DMC1: variants seen among roughly 807,000 people sequenced by gnomAD.
The protein encoded by DMC1 is DNA meiotic recombinase 1, also known as meiotic recombination protein DMC1 homolog.
Under a neutral mutation model 50.1 loss-of-function variants are expected in DMC1, and 27 were observed. The ratio of observed to expected loss-of-function variants is 0.54; its 90% CI spans 0.40 to 0.74. DMC1 has a LOEUF of 0.74. Among genes scored for constraint, DMC1 ranks in the 30% least tolerant of loss-of-function variants. The pLI, the probability that DMC1 is intolerant of heterozygous loss-of-function variation, is 0.00. For missense variants in DMC1, 295 were observed against 420.2 expected (o/e 0.70, Z 2.60); for synonymous variants, 148 against 136.1 (o/e 1.09, Z -0.61).
rs1013110929 is a variant in DMC1, at chr22:38,531,587, CT to C, written c.836+6004del. Among the ~76,000 whole-genome samples, 4 of 151,710 alleles carry C rather than the reference CT, an allele frequency of 2.6e-5. 1 individual carries two copies. The highest frequency in any genetic ancestry group is 4.2e-4 in the South Asian group (2 of 4,788). ...TAAAATCCTTTAGTTTAAAATTGTC[CT>C]TTTTTTTCCCATTTAGCTGTGGCAA... is the stretch of plus-strand genomic sequence containing the variant. On this transcript the variant is annotated intron_variant, in intron 12 of 13. Transcript: ENST00000216024.
At chr22:38,546,647 T>C (rs1195185413) in intron 8 of DMC1, among the ~76,000 whole-genome samples, 1 of 152,174 alleles carries the variant, frequency 6.6e-6, no homozygotes, top group Non-Finnish European at 1.5e-5. Context: ...TCTAAGTGAG[T>C]ATTTTAGATA....
downstream of DMC1, among the ~76,000 whole-genome samples, chr22:38,514,108 C>T (rs1054097565): frequency 1.3e-5 from 2 of 152,098 alleles, no homozygotes; most frequent in Admixed American, 1.3e-4. Context: ...TTTTCAGTTT[C>T]GTGAGCCACT....
intron 5 of DMC1, among the ~76,000 whole-genome samples, chr22:38,558,320 T>C (rs1173936272): frequency 6.6e-6 from 1 of 152,118 alleles, no homozygotes; most frequent in Non-Finnish European, 1.5e-5. Flanking sequence ...GAATTTAATC[T>C]TGTTATAAAA....
intron 12 of DMC1, 27 bp downstream of exon 12, chr22:38,537,565 A>C: frequency 6.2e-7 from 1 of 1,604,476 alleles, no homozygotes. Flanking sequence ...ACCTCTGTGA[A>C]ATAAAAAGTA....
intron 8 of DMC1, among the ~76,000 whole-genome samples, chr22:38,541,436 C>T (rs753674235): frequency 1.3e-5 from 2 of 152,064 alleles, no homozygotes; most frequent in African/African-American, 2.4e-5. Flanking sequence ...GGACTACAGG[C>T]GTGTGCCACC....
At chr22:38,559,854 C>G (rs2090507626) in intron 5 of DMC1, among the ~76,000 whole-genome samples, 2 of 151,744 alleles carry the variant, frequency 1.3e-5, no homozygotes, top group East Asian at 1.9e-4. Flanking sequence ...CCTGTCTCTA[C>G]TAAAAGTACA....
In DMC1 at chr22:38,521,651, G is replaced by T. The variant is rs375355161; in HGVS notation, c.910C>A (p.Arg304=). The change falls in exon 13 of 14, where the codon CGA becomes AGA. Residue 304 remains arginine (R), a synonymous_variant. Coordinates refer to ENST00000216024, the MANE Select transcript of DMC1 (RefSeq NM_007068.4). ...AHASTTRISL[R]KGRGELRIAK... Reference sequence around the variant, plus strand: ...ATTCTGAGCTCTCCTCTTCCCTTTCGCAAGCTTATTCTTGTTGTTGAAGCA... The same window carrying T: ...ATTCTGAGCTCTCCTCTTCCCTTTCTCAAGCTTATTCTTGTTGTTGAAGCA... The T allele has an allele frequency of 7.5e-6, 12 of 1,609,514 alleles. No homozygotes were observed. Among genetic ancestry groups the T allele is most frequent in the South Asian group, 1.1e-5 (1 of 91,004 alleles).
intron 6 of DMC1, 142 bp from the exon 7 acceptor site, chr22:38,552,849 T>C: frequency 1.5e-6 from 1 of 647,408 alleles, no homozygotes; most frequent in Non-Finnish European, 2.7e-6. Context: ...TCTCGGATGT[T>C]ATTTTTTATT....
the DMC1 span, among the ~76,000 whole-genome samples, chr22:38,511,157 G>A: frequency 7.9e-5 from 12 of 151,838 alleles, no homozygotes; most frequent in African/African-American, 2.9e-4. Context: ...CAGAAAATCT[G>A]AAACACCTTG....
chr22:38,549,996 C>T lies in DMC1; in HGVS notation c.423G>A (p.Val141=). 4 of 1,611,344 alleles carry T rather than the reference C, an allele frequency of 2.5e-6. No individual in the cohort carries two copies. The highest frequency in any genetic ancestry group is 2.5e-6 in the Non-Finnish European group (3 of 1,177,886). ...CACCAGCTCCTGGAAGTTGAGCTGTCACTAGGAAGCAATTAAAAATTTATA... is the reference window on the plus strand; with the variant it reads ...CACCAGCTCCTGGAAGTTGAGCTGTTACTAGGAAGCAATTAAAAATTTATA... ...GKTQLSHTLC[V]TAQLPGAGGY... Residue 141 remains valine, a splice_region_variant and synonymous_variant, in exon 8 of 14, where the codon GTG becomes GTA. Coordinates refer to ENST00000216024, the MANE Select transcript of DMC1 (RefSeq NM_007068.4).
At chr22:38,541,654 T>C (rs956332314) in intron 8 of DMC1, among the ~76,000 whole-genome samples, 2 of 152,184 alleles carry the variant, frequency 1.3e-5, no homozygotes, top group African/African-American at 2.4e-5. Flanking sequence ...TGGTCTGGTG[T>C]TATTTTCCAG....
chr22:38,522,518 G>T (rs11089888), intron 12 of DMC1, among the ~76,000 whole-genome samples: 15,802 of 151,980 alleles, frequency 0.1, 1,051 homozygotes, highest in South Asian at 0.16. Flanking sequence ...GCTGAGATCA[G>T]CCACTGCATT....
At chr22:38,540,177 CT>C (rs1442435901) in intron 8 of DMC1, among the ~76,000 whole-genome samples, 1 of 152,078 alleles carries the variant, frequency 6.6e-6, no homozygotes, top group African/African-American at 2.4e-5. Flanking sequence ...TCCTGAGTAG[CT>C]GTGATTACAG....
chr22:38,568,096 CTA>C (rs2090599098), intron 2 of DMC1, 108 bp downstream of exon 2: 5 of 963,770 alleles, frequency 5.2e-6, no homozygotes, highest in Non-Finnish European at 8.3e-6. Flanking sequence ...CAATATATAA[CTA>C]TGTGTTATTT....
At chr22:38,509,234 A>G in the DMC1 span, among the ~76,000 whole-genome samples, 1 of 152,108 alleles carries the variant, frequency 6.6e-6, no homozygotes, top group African/African-American at 2.4e-5. Flanking sequence ...AACGTGTGTC[A>G]TGGTGGTTTG....
chr22:38,520,178 T>C, intron 13 of DMC1, 89 bp from the exon 14 acceptor site: 1 of 1,109,842 alleles, frequency 9.0e-7, no homozygotes, highest in Non-Finnish European at 1.4e-6. Flanking sequence ...TGCCCATCAG[T>C]CTGAATCTCC....
chr22:38,553,187 T>A (rs2090431862), intron 6 of DMC1, among the ~76,000 whole-genome samples: 1 of 151,162 alleles, frequency 6.6e-6, no homozygotes, highest in African/African-American at 2.4e-5. Context: ...CAAGTTTTCC[T>A]TAGTAACAGT....
intron 12 of DMC1, among the ~76,000 whole-genome samples, chr22:38,527,601 C>T (rs1470986532): frequency 5.3e-5 from 8 of 151,048 alleles, no homozygotes; most frequent in African/African-American, 2.0e-4. Flanking sequence ...TCACTGCAAC[C>T]TCTGCTTCCT....
intron 1 of DMC1, chr22:38,569,252 C>G (rs1328562308): frequency 6.6e-6 from 1 of 151,430 alleles, no homozygotes; most frequent in African/African-American, 2.4e-5. Context: ...AAGTTTTTAA[C>G]ATTGTAGACT....
Sources: gnomAD v4.1 joint callset for allele counts (sites outside exome capture counted in the v4.1 genomes callset) on GRCh38, gnomAD v4.1.1 for gene constraint, MANE v1.5 for transcripts, NCBI Gene and HGNC (gene_info 2026-07-23, HGNC 2026-07-21) for gene names.